The following DNER variants were observed in gnomAD, a reference collection of about 807,000 sequenced individuals.
DNER encodes delta/notch like EGF repeat containing.
In DNER, 33 loss-of-function variants were observed where a neutral mutation model predicts 78.2. The ratio of observed to expected loss-of-function variants is 0.42; its 90% CI spans 0.32 to 0.56. DNER has a LOEUF of 0.56. Ranked by LOEUF, DNER falls within the 20% of genes least tolerant of loss-of-function variation. The pLI, the probability that DNER is intolerant of heterozygous loss-of-function variation, is 0.11. For missense variants in DNER, 918 were observed against 975.3 expected, an observed-to-expected ratio of 0.94 and a Z score of 0.78; for synonymous variants, 417 against 384.8, an observed-to-expected ratio of 1.08 and a Z score of -0.98.
At chr2:229,363,125 C>T (rs1486302646) in intron 12 of DNER, among the ~76,000 whole-genome samples, 2 of 152,182 alleles carry the variant, frequency 1.3e-5, no homozygotes, top group Admixed American at 1.3e-4. Context: ...TCTTCCCTGC[C>T]TGAGTACAAG....
chr2:229,539,656 G>A (rs6747482), intron 5 of DNER, among the ~76,000 whole-genome samples: 6,029 of 151,962 alleles, frequency 0.04, 206 homozygotes, highest in African/African-American at 0.088. Flanking sequence ...TGTTTTTCTC[G>A]TCCCGTTGAT....
chr2:229,637,092 C>A (rs1698543286), intron 1 of DNER, among the ~76,000 whole-genome samples: 1 of 152,184 alleles, frequency 6.6e-6, no homozygotes. Context: ...TGTTTTCTCA[C>A]CCATCCCACT....
chr2:229,442,514 TAAA>T (rs58534290), intron 8 of DNER, among the ~76,000 whole-genome samples: 73 of 147,162 alleles, frequency 5.0e-4, no homozygotes, highest in South Asian at 6.5e-4. Context: ...CGCTCTGTCT[TAAA>T]AAAAAAAAAA....
rs1692143860 is a variant in DNER, at chr2:229,358,664, A to C, written c.2103-13T>G. 6.2e-7 allele frequency: 1 copy of C among 1,608,640 alleles called. No individual in the cohort carries two copies. The highest frequency in any genetic ancestry group is 1.3e-5 in the African/African-American group (1 of 74,792). On this transcript the variant is annotated splice_polypyrimidine_tract_variant and intron_variant, in intron 12 of 12. Transcript: ENST00000341772. ...TTTCTTTCCAAACCTGAAATCAGAG[A>C]GAAAGGACTCTGGTTAGATAAATAC...
At chr2:229,561,486 T>C (rs1036951169) in intron 4 of DNER, among the ~76,000 whole-genome samples, 1 of 152,148 alleles carries the variant, frequency 6.6e-6, no homozygotes, top group Admixed American at 6.6e-5. Context: ...ACACTCTCTG[T>C]CTATTCATCC....
intron 6 of DNER, among the ~76,000 whole-genome samples, chr2:229,494,591 C>T (rs1457506104): frequency 6.6e-6 from 1 of 152,188 alleles, no homozygotes; most frequent in African/African-American, 2.4e-5. Flanking sequence ...GCAGCCCTGC[C>T]CCAGAGACAC....
intron 11 of DNER, among the ~76,000 whole-genome samples, chr2:229,374,587 C>G (rs1240675149): frequency 6.6e-6 from 1 of 152,130 alleles, no homozygotes; most frequent in East Asian, 1.9e-4. Flanking sequence ...TTGAGGTAGA[C>G]ACTATTATTG....
chr2:229,467,863 T>G (rs2154211049), intron 7 of DNER, among the ~76,000 whole-genome samples: 1 of 152,308 alleles, frequency 6.6e-6, no homozygotes, highest in South Asian at 2.1e-4. Context: ...AGCGAAAAAC[T>G]TCTTCAAGGC....
intron 5 of DNER, among the ~76,000 whole-genome samples, chr2:229,539,154 T>A (rs1696466907): frequency 6.6e-6 from 1 of 152,198 alleles, no homozygotes; most frequent in African/African-American, 2.4e-5. Context: ...TCCTCTCCCA[T>A]CCTATTCCTT....
At chr2:229,494,647 C>T (rs1695465768) in intron 6 of DNER, among the ~76,000 whole-genome samples, 1 of 152,194 alleles carries the variant, frequency 6.6e-6, no homozygotes, top group African/African-American at 2.4e-5. Flanking sequence ...CTGTCATACC[C>T]TTAGAAACAA....
chr2:229,637,769 C>T (rs1387695249), intron 1 of DNER, among the ~76,000 whole-genome samples: 3 of 152,122 alleles, frequency 2.0e-5, no homozygotes, highest in African/African-American at 7.2e-5. Flanking sequence ...TAAATATTTA[C>T]CACTGCTCTA....
In DNER at chr2:229,395,115, GT is replaced by G. The variant is rs146197778; in HGVS notation, c.1724-6720del. Among the ~76,000 whole-genome samples, 445 of 152,220 alleles carry G rather than the reference GT, an allele frequency of 2.9e-3. 11 individuals carry two copies. The East Asian group carries it at 0.072, about 24-fold the overall frequency. ...AAAACATGACTCTCTTTTGTGTTGC[GT>G]TACCTGATCTGTTTGGTTTTTGGGG... On this transcript the variant is annotated intron_variant, in intron 10 of 12. Coordinates refer to ENST00000341772, the MANE Select transcript of DNER (RefSeq NM_139072.4).
intron 4 of DNER, among the ~76,000 whole-genome samples, chr2:229,566,632 C>T (rs1484493275): frequency 6.6e-6 from 1 of 152,160 alleles, no homozygotes; most frequent in African/African-American, 2.4e-5. Flanking sequence ...CCTTATTTTT[C>T]CACTTGCTAG....
At chr2:229,711,020 C>G (rs932626416) in intron 1 of DNER, among the ~76,000 whole-genome samples, 8 of 151,072 alleles carry the variant, frequency 5.3e-5, no homozygotes, top group Admixed American at 2.0e-4. Flanking sequence ...CACACACACA[C>G]AGGATACAAA....
At chr2:229,657,461 A>C (rs1037147690) in intron 1 of DNER, among the ~76,000 whole-genome samples, 3 of 152,218 alleles carry the variant, frequency 2.0e-5, no homozygotes, top group African/African-American at 7.2e-5. Flanking sequence ...GGATACAGAT[A>C]AGCAACATGG....
chr2:229,606,641 C>T (rs1697943777), intron 1 of DNER, among the ~76,000 whole-genome samples: 1 of 152,008 alleles, frequency 6.6e-6, no homozygotes, highest in South Asian at 2.1e-4. Flanking sequence ...ATCTGTAATC[C>T]CAGCACTTTG....
chr2:229,490,346 G>A (rs545388770), intron 6 of DNER, among the ~76,000 whole-genome samples: 3 of 152,282 alleles, frequency 2.0e-5, no homozygotes, highest in South Asian at 2.1e-4. Context: ...GTCTGTCAGC[G>A]CATAAAGGGA....
chr2:229,573,810 C>G (rs976857805), intron 4 of DNER, among the ~76,000 whole-genome samples: 21 of 152,166 alleles, frequency 1.4e-4, no homozygotes, highest in Non-Finnish European at 2.4e-4. Flanking sequence ...CAGCAACCCC[C>G]TGTTTATTTC....
chr2:229,714,396 C>T lies in DNER; in HGVS notation c.28G>A (p.Gly10Ser). The T allele has an allele frequency of 8.4e-7, 1 of 1,184,762 alleles. No individual in the cohort carries two copies. The highest frequency in any genetic ancestry group is 1.0e-6 in the Non-Finnish European group (1 of 960,582). The allele number at this position is 1,184,762 out of a possible 1,614,324, so 73.4% of individuals were successfully genotyped here. A position where few individuals can be genotyped will look rare whatever the true frequency, so the allele number is the denominator to read the frequency against. Residue 10 changes from glycine (G) to serine (S), a missense_variant, in exon 1 of 13, where the codon GGT (glycine) becomes AGT (serine). By Grantham distance (56) the Gly-to-Ser change is moderately conservative (BLOSUM62 0). Coordinates refer to ENST00000341772, the MANE Select transcript of DNER (RefSeq NM_139072.4). ...GCCAGCGCGGGCAGCAGCTGCGCAC[C>T]GGGCGCCTGGGCGCGGCGGGGCTGC... MQPRRAQAPGAQLLPALALL... is the reference protein window; with the variant it reads MQPRRAQAPSAQLLPALALL...
Sources: gnomAD v4.1 joint callset for allele counts (sites outside exome capture counted in the v4.1 genomes callset) on GRCh38, gnomAD v4.1.1 for gene constraint, MANE v1.5 for transcripts, NCBI Gene and HGNC (gene_info 2026-07-23, HGNC 2026-07-21) for gene names.